Variants in GRK5 observed in about 807,000 individuals in gnomAD.
GRK5 encodes g protein-coupled receptor kinase GRK5.
A neutral mutation model predicts 78.4 loss-of-function variants in GRK5; 40 were observed. The ratio of observed to expected loss-of-function variants is 0.51; its 90% CI spans 0.40 to 0.66. The LOEUF (loss-of-function observed/expected upper bound fraction) is 0.66, where lower values mean the gene tolerates loss of function less well. Ranked by LOEUF, GRK5 falls within the 30% of genes least tolerant of loss-of-function variation. The pLI is 0.00. For synonymous variants in GRK5, 289 were observed against 296.8 expected, an observed-to-expected ratio of 0.97 and a Z score of 0.27; for missense variants, 598 against 759.9, an observed-to-expected ratio of 0.79 and a Z score of 2.50.
intron 2 of GRK5, among the ~76,000 whole-genome samples, chr10:119,353,279 C>G (rs1467362308): frequency 1.3e-5 from 2 of 152,208 alleles, no homozygotes; most frequent in Non-Finnish European, 2.9e-5. Flanking sequence ...AGGAGACTTA[C>G]TCCACCTGGT....
chr10:119,428,408 G>T (rs1449784054), intron 6 of GRK5, among the ~76,000 whole-genome samples: 1 of 152,226 alleles, frequency 6.6e-6, no homozygotes, highest in Non-Finnish European at 1.5e-5. Flanking sequence ...GACCCCCAGA[G>T]GGGGGCATGC....
chr10:119,390,076 A>G (rs1012522208), intron 3 of GRK5, among the ~76,000 whole-genome samples: 3 of 152,212 alleles, frequency 2.0e-5, no homozygotes, highest in Non-Finnish European at 4.4e-5. Context: ...CCTTGGTTGG[A>G]TGCAGAGACA....
intron 1 of GRK5, among the ~76,000 whole-genome samples, chr10:119,245,888 C>A (rs371692511): frequency 6.6e-6 from 1 of 151,478 alleles, no homozygotes; most frequent in East Asian, 1.9e-4. Flanking sequence ...GGCATGGTGG[C>A]GGGTGCCTGT....
intron 3 of GRK5, among the ~76,000 whole-genome samples, chr10:119,387,182 TTAA>T: frequency 6.6e-6 from 1 of 152,230 alleles, no homozygotes; most frequent in East Asian, 1.9e-4. Context: ...TTTTGTATTT[TTAA>T]TAGAGATGGG....
intron 2 of GRK5, among the ~76,000 whole-genome samples, chr10:119,372,126 T>C (rs1851556958): frequency 6.6e-6 from 1 of 152,190 alleles, no homozygotes; most frequent in Non-Finnish European, 1.5e-5. Flanking sequence ...ATTGCCAAAA[T>C]TTCCCGCTGC....
intron 1 of GRK5, among the ~76,000 whole-genome samples, chr10:119,225,927 C>G (rs1007675313): frequency 2.0e-5 from 3 of 151,776 alleles, no homozygotes; most frequent in African/African-American, 7.3e-5. Flanking sequence ...TGGCTCACTG[C>G]AAGCTCCGCC....
In GRK5 at chr10:119,253,712, G is replaced by A. The variant is rs1327898312; in HGVS notation, c.52+45743G>A. On this transcript the variant is annotated intron_variant, in intron 1 of 15. Transcript: ENST00000392870. This position sits in a 1 kb window ranked among gnomAD's most constrained non-coding sequence, Gnocchi z 5.7. ...TCCGGGGTGGATGCAAGGCCTGAGAGTGAACTTTGTTGTGAATGATGACAC... is the reference window on the plus strand; with the variant it reads ...TCCGGGGTGGATGCAAGGCCTGAGAATGAACTTTGTTGTGAATGATGACAC... Among the ~76,000 whole-genome samples, 1 of 152,186 alleles carries A rather than the reference G, an allele frequency of 6.6e-6. No individual in the cohort carries two copies. The highest frequency in any genetic ancestry group is 1.5e-5 in the Non-Finnish European group (1 of 68,042).
Position 119,424,378 on chromosome 10 carries a change from C to T in GRK5, c.441-615C>T, listed in dbSNP as rs1271905267. Among the ~76,000 whole-genome samples, 6 of 152,186 alleles carry T rather than the reference C, an allele frequency of 3.9e-5. No individual in the cohort carries two copies. In the East Asian group the frequency reaches 9.6e-4, roughly 24 times the overall value. ...TGCCTGCAGACAGTTTCAGAACCTG[C>T]CCTGATGGCCTAAGACCCATAGAGA... On this transcript the variant is annotated intron_variant, in intron 5 of 15. Coordinates refer to ENST00000392870, the MANE Select transcript of GRK5 (RefSeq NM_005308.3).
chr10:119,450,705 C>T (rs749030396), intron 13 of GRK5, among the ~76,000 whole-genome samples: 14 of 152,070 alleles, frequency 9.2e-5, no homozygotes, highest in African/African-American at 2.2e-4. Flanking sequence ...CTGGCCACTT[C>T]GAATCAGGGC....
chr10:119,251,468 C>T (rs1196881630), intron 1 of GRK5, among the ~76,000 whole-genome samples: 3 of 152,224 alleles, frequency 2.0e-5, no homozygotes, highest in Non-Finnish European at 2.9e-5. Flanking sequence ...AGCTGTCTCC[C>T]GAAGCCTTGG....
intron 1 of GRK5, among the ~76,000 whole-genome samples, chr10:119,259,065 CT>C (rs397950981): frequency 4.1e-4 from 53 of 130,148 alleles, no homozygotes; most frequent in East Asian, 1.4e-3. Flanking sequence ...CTTTCTTTTT[CT>C]TTTTTTTTTT....
chr10:119,340,035 A>C (rs1850957685), intron 2 of GRK5, among the ~76,000 whole-genome samples: 1 of 152,178 alleles, frequency 6.6e-6, no homozygotes. Flanking sequence ...ATCCTGAAGC[A>C]TTTTGAGTAC....
intron 2 of GRK5, among the ~76,000 whole-genome samples, chr10:119,352,233 G>A (rs7915016): frequency 0.017 from 2,598 of 152,236 alleles, 62 homozygotes; most frequent in African/African-American, 0.055. Flanking sequence ...TTTATCTCTC[G>A]ATTCCACTAG....
chr10:119,422,525 A>C (rs1473294040), intron 4 of GRK5, among the ~76,000 whole-genome samples: 1 of 152,128 alleles, frequency 6.6e-6, no homozygotes, highest in Non-Finnish European at 1.5e-5. Flanking sequence ...CTGGGATTCA[A>C]ACCCAAGCCT....
At chr10:119,254,498 G>C (rs1460102065) in intron 1 of GRK5, among the ~76,000 whole-genome samples, 1 of 152,158 alleles carries the variant, frequency 6.6e-6, no homozygotes, top group East Asian at 1.9e-4. Context: ...GGGAAAGGCA[G>C]CTTGGAACAA....
chr10:119,274,867 C>T (rs1849642553), intron 1 of GRK5, among the ~76,000 whole-genome samples: 1 of 152,196 alleles, frequency 6.6e-6, no homozygotes, highest in African/African-American at 2.4e-5. Context: ...CACTTGTGGC[C>T]TGTAAGTACC....
At chr10:119,374,060 T>A (rs1178997893) in intron 2 of GRK5, among the ~76,000 whole-genome samples, 1 of 152,158 alleles carries the variant, frequency 6.6e-6, no homozygotes, top group Non-Finnish European at 1.5e-5. Context: ...GGAATCCCTA[T>A]TGAGGTTGGA....
In GRK5 at chr10:119,452,492, G is replaced by T. The variant is rs951886181; in HGVS notation, c.1405-179G>T. On this transcript the variant is annotated intron_variant, in intron 13 of 15. Transcript: ENST00000392870. The surrounding 1 kb of genome is among the most constrained non-coding windows in gnomAD (Gnocchi z 4.4). Reference sequence around the variant, plus strand: ...GAAGCCCAGCCAAGCCACTGGGGCCGACCCCTCCCCTGGACTCACCTGCAT... The same window carrying T: ...GAAGCCCAGCCAAGCCACTGGGGCCTACCCCTCCCCTGGACTCACCTGCAT... The T allele has an allele frequency of 7.9e-6, 5 of 636,722 alleles. No homozygotes were observed. Among genetic ancestry groups the T allele is most frequent in the Non-Finnish European group, 1.3e-5 (5 of 381,580 alleles). 39.4% of individuals were successfully genotyped at this position (636,722 alleles called of 1,614,324 possible).
chr10:119,260,612 C>A (rs1263076553), intron 1 of GRK5, among the ~76,000 whole-genome samples: 2 of 151,918 alleles, frequency 1.3e-5, no homozygotes, highest in Non-Finnish European at 2.9e-5. Context: ...TGACTCTTAA[C>A]CAGCATGCTG....
Sources: allele counts gnomAD v4.1 joint callset (sites outside exome capture counted in the v4.1 genomes callset), GRCh38; gene constraint gnomAD v4.1.1; non-coding constraint Gnocchi (gnomAD v3.1); transcripts MANE v1.5; gene names NCBI Gene and HGNC (gene_info 2026-07-23, HGNC 2026-07-21).